The following SCNN1B variants were observed in gnomAD, a reference collection of about 807,000 sequenced individuals.
SCNN1B encodes the protein sodium channel epithelial 1 subunit beta.
SCNN1B carries 46 observed loss-of-function variants against 65.3 expected under a neutral mutation model. The observed-to-expected ratio is 0.70, with a 90% CI of 0.56 to 0.90. The LOEUF is 0.90. SCNN1B is among the 40% of genes least tolerant of loss of function. SCNN1B has a pLI of 0.00. For synonymous variants in SCNN1B, 349 were observed against 330.6 expected (o/e 1.06, Z -0.60); for missense variants, 751 against 830.5 (o/e 0.90, Z 1.18).
chr16:23,380,138 A>G lies in SCNN1B; in HGVS notation c.1511A>G (p.Tyr504Cys). Residue 504 changes from tyrosine (Y) to cysteine (C), a missense_variant, in exon 12 of 13, where the codon TAT (tyrosine) becomes TGT (cysteine). Physicochemically the swap from Tyr to Cys is radical, Grantham distance 194. Transcript: ENST00000343070. The surrounding 1 kb of genome is among the most constrained non-coding windows in gnomAD (Gnocchi z 5.4). ...AACATCTACTTCCAAGAATTTAACT[A>G]TCGCACCATTGAAGAATCAGCAGCC... ...KLNIYFQEFNYRTIEESAANN... is the reference protein window; with the variant it reads ...KLNIYFQEFNCRTIEESAANN... 3 of 1,614,038 alleles carry G rather than the reference A, an allele frequency of 1.9e-6. No homozygotes were observed. The highest frequency in any genetic ancestry group is 2.5e-6 in the Non-Finnish European group (3 of 1,179,970).
In SCNN1B at chr16:23,364,422, T is replaced by C. The variant is rs574254938; in HGVS notation, c.777-3434T>C. The stretch of plus-strand genomic sequence containing the variant: ...CAAAAGCCTTGAGCTTGGAAACATC[T>C]AGAGTGTCGCTGGAGTGTAGGGAAT... On this transcript the variant is annotated intron_variant, in intron 4 of 12. Coordinates refer to ENST00000343070, the MANE Select transcript of SCNN1B (RefSeq NM_000336.3). Among the ~76,000 whole-genome samples the C allele has an allele frequency of 2.6e-5, 4 of 152,256 alleles. No individual in the cohort carries two copies. In the East Asian group the frequency reaches 7.7e-4, roughly 29 times the overall value.
In SCNN1B at chr16:23,348,832, A is replaced by G; in HGVS notation, c.233A>G (p.Glu78Gly). Residue 78 changes from glutamate to glycine, a missense_variant, in exon 2 of 13, where the codon GAG becomes GGG. Glu to Gly is a moderately conservative substitution (Grantham distance 98). Coordinates refer to ENST00000343070, the MANE Select transcript of SCNN1B (RefSeq NM_000336.3). This position sits in a 1 kb window ranked among gnomAD's most constrained non-coding sequence, Gnocchi z 4.5. ...GIFIRTYLSW[E>G]VSVSLSVGFK... ...TTCATCAGGACCTACTTGAGCTGGG[A>G]GGTCAGCGTCTCCCTCTCCGTAGGC... 1 of 1,614,074 alleles carries G rather than the reference A, an allele frequency of 6.2e-7. No homozygotes were observed. The highest frequency in any genetic ancestry group is 8.5e-7 in the Non-Finnish European group (1 of 1,180,018).
intron 1 of SCNN1B, among the ~76,000 whole-genome samples, chr16:23,336,117 A>G (rs753059840): frequency 1.8e-4 from 28 of 152,192 alleles, no homozygotes; most frequent in Non-Finnish European, 2.1e-4. Flanking sequence ...GCCGGAAGCC[A>G]GGCAATCTGG....
At chr16:23,378,569 C>T in intron 10 of SCNN1B, 137 bp from the exon 11 acceptor site, 1 of 772,998 alleles carries the variant, frequency 1.3e-6, no homozygotes, top group Admixed American at 2.0e-5. Flanking sequence ...CTTCCTCCTG[C>T]TCCTCATCCA....
In SCNN1B at chr16:23,380,389, C is replaced by T; in HGVS notation, c.1543-32C>T. 6.2e-7 allele frequency: 1 copy of T among 1,613,826 alleles called. No homozygotes were observed. The highest frequency in any genetic ancestry group is 2.2e-5 in the East Asian group (1 of 44,872). On this transcript the variant is annotated intron_variant, in intron 12 of 12. Transcript: ENST00000343070. This position sits in a 1 kb window ranked among gnomAD's most constrained non-coding sequence, Gnocchi z 5.4. ...TGGGCTAGAGGCAAGAATGTGTGGC[C>T]TGAGCTCACCCCAGCTCCCTGTTCC... is the stretch of plus-strand genomic sequence containing the variant.
At chr16:23,296,709 C>T (rs919149579) in intron 2 of SCNN1B, among the ~76,000 whole-genome samples, 3 of 152,090 alleles carry the variant, frequency 2.0e-5, no homozygotes, top group African/African-American at 4.8e-5. Context: ...GCAATGAGAT[C>T]GAAGATCAGA....
Position 23,353,063 on chromosome 16 carries a change from G to T in SCNN1B, c.574G>T (p.Ala192Ser). Residue 192 changes from alanine to serine, a missense_variant, in exon 3 of 13, where the codon GCC becomes TCC. Coordinates refer to ENST00000343070, the MANE Select transcript of SCNN1B (RefSeq NM_000336.3). Reference protein sequence around the residue: ...KICNAHGCKMAMRLCSLNRTQ... With the variant: ...KICNAHGCKMSMRLCSLNRTQ... ...CTGTAATGCCCACGGGTGCAAAATG[G>T]CCATGAGACTAGTAAGTGGTCCCTG... 1 of 1,614,114 alleles carries T rather than the reference G, an allele frequency of 6.2e-7. No homozygotes were observed. The highest frequency in any genetic ancestry group is 8.5e-7 in the Non-Finnish European group (1 of 1,180,020).
chr16:23,324,805 T>C (rs1961658605), intron 1 of SCNN1B, among the ~76,000 whole-genome samples: 1 of 152,168 alleles, frequency 6.6e-6, no homozygotes, highest in Admixed American at 6.5e-5. Flanking sequence ...GACCACACTC[T>C]TCCCTGCTGG....
chr16:23,336,690 G>C lies in SCNN1B; in HGVS notation c.-8-11902G>C, dbSNP rs138689125. Among the ~76,000 whole-genome samples the C allele has an allele frequency of 2.8e-3, 432 of 151,914 alleles. 4 individuals are homozygous for C. The highest frequency in any genetic ancestry group is 9.7e-3 in the African/African-American group (404 of 41,454). On this transcript the variant is annotated intron_variant, in intron 1 of 12. Coordinates refer to ENST00000343070, the MANE Select transcript of SCNN1B (RefSeq NM_000336.3). ...TGGCCAAGATGATTTTTTTTTCAAT[G>C]ATTCTCAGAGGAACCTTTTTCTGAA...
chr16:23,280,061 G>A (rs1385956397), intron 1 of SCNN1B, among the ~76,000 whole-genome samples: 1 of 152,078 alleles, frequency 6.6e-6, no homozygotes, highest in South Asian at 2.1e-4. Context: ...TTCCATTGTT[G>A]GTGGTCATGC....
intron 2 of SCNN1B, among the ~76,000 whole-genome samples, chr16:23,285,021 C>A (rs1324020205): frequency 6.6e-6 from 1 of 152,096 alleles, no homozygotes; most frequent in African/African-American, 2.4e-5. Context: ...CAATTTGGAC[C>A]ATTTTTTAGT....
rs1962241872 is a variant in SCNN1B at position 23,348,718 on chromosome 16, G to A, written c.119G>A (p.Arg40His). Residue 40 changes from arginine (R) to histidine (H), a missense_variant, in exon 2 of 13, where the codon CGC (arginine) becomes CAC (histidine). By Grantham distance (29) the Arg-to-His change is conservative. Transcript: ENST00000343070. This position sits in a 1 kb window ranked among gnomAD's most constrained non-coding sequence, Gnocchi z 4.5. ...CDNTNTHGPK[R>H]IICEGPKKKA... ...AACACCAACACCCACGGCCCCAAGC[G>A]CATCATCTGTGAGGGGCCCAAGAAG... The A allele has an allele frequency of 1.2e-6, 2 of 1,614,098 alleles. No individual in the cohort carries two copies. The highest frequency in any genetic ancestry group is 1.7e-6 in the Non-Finnish European group (2 of 1,180,020).
Position 23,371,475 on chromosome 16 carries a change from C to T in SCNN1B, c.1044+13C>T, listed in dbSNP as rs375499566. 3.7e-6 allele frequency: 6 copies of T among 1,612,846 alleles called. No homozygotes were observed. In the African/African-American group the frequency reaches 8.0e-5, roughly 22 times the overall value. On this transcript the variant is annotated intron_variant, in intron 6 of 12. Coordinates refer to ENST00000343070, the MANE Select transcript of SCNN1B (RefSeq NM_000336.3). ...CGGGGTACTCGTGGTATGGCCGGAG[C>T]CCAAGGGCAGTCCTAGAGGGTCTGA...
At chr16:23,294,373 G>A (rs1194196418) in intron 2 of SCNN1B, among the ~76,000 whole-genome samples, 2 of 151,928 alleles carry the variant, frequency 1.3e-5, no homozygotes, top group Non-Finnish European at 1.5e-5. Flanking sequence ...CTCCAGCCTG[G>A]GCAACAGAAT....
chr16:23,286,207 G>C (rs1015972059), intron 2 of SCNN1B, among the ~76,000 whole-genome samples: 4 of 152,180 alleles, frequency 2.6e-5, no homozygotes, highest in African/African-American at 9.7e-5. Flanking sequence ...AAGAATGCCT[G>C]CTCACAAATG....
At chr16:23,341,153 T>C (rs1273690164) in intron 1 of SCNN1B, among the ~76,000 whole-genome samples, 1 of 152,140 alleles carries the variant, frequency 6.6e-6, no homozygotes, top group Non-Finnish European at 1.5e-5. Flanking sequence ...TCCATTTATT[T>C]AAGCTTTCTT....
chr16:23,329,371 C>T (rs1961763912), intron 1 of SCNN1B, among the ~76,000 whole-genome samples: 1 of 152,208 alleles, frequency 6.6e-6, no homozygotes, highest in South Asian at 2.1e-4. Flanking sequence ...CCACCTCGGC[C>T]TCCCAAAGTG....
chr16:23,297,006 A>AAG (rs746891770), intron 2 of SCNN1B, among the ~76,000 whole-genome samples: 73 of 147,852 alleles, frequency 4.9e-4, no homozygotes, highest in East Asian at 1.0e-3. Flanking sequence ...AAAAAAAAAA[A>AAG]AGAGAGAGAG....
At chr16:23,342,561 T>C (rs1470265712) in intron 1 of SCNN1B, among the ~76,000 whole-genome samples, 1 of 152,216 alleles carries the variant, frequency 6.6e-6, no homozygotes, top group Admixed American at 6.5e-5. Flanking sequence ...ATTCTGTTTC[T>C]ATTAGGGGTG....
Sources: allele counts gnomAD v4.1 joint callset (sites outside exome capture counted in the v4.1 genomes callset), GRCh38; gene constraint gnomAD v4.1.1; non-coding constraint Gnocchi (gnomAD v3.1); transcripts MANE v1.5; gene names NCBI Gene and HGNC (gene_info 2026-07-23, HGNC 2026-07-21).